NFASC: variants seen among roughly 807,000 people sequenced by gnomAD.
NFASC encodes the protein neurofascin homolog.
A neutral mutation model predicts 147.5 loss-of-function variants in NFASC; 43 were observed. The ratio of observed to expected loss-of-function variants is 0.29; its 90% CI spans 0.23 to 0.38. The LOEUF (loss-of-function observed/expected upper bound fraction) is 0.38. Ranked by LOEUF, NFASC falls within the 10% of genes least tolerant of loss-of-function variation. The pLI, the probability that NFASC is intolerant of heterozygous loss-of-function variation, is 1.00. For missense variants in NFASC, 1,320 were observed against 1,689.0 expected (o/e 0.78, Z 3.83); for synonymous variants, 622 against 665.5 (o/e 0.93, Z 1.01).
intron 23 of NFASC, 43 bp downstream of exon 23, chr1:204,988,849 A>G (rs1481329298): frequency 1.8e-5 from 29 of 1,580,400 alleles, no homozygotes; most frequent in East Asian, 4.5e-5. Context: ...GGTCCCAGCT[A>G]ATTCCGAGGC....
Position 204,987,642 on chromosome 1 carries a change from A to G in NFASC, c.2593+102A>G. Reference sequence around the variant, plus strand: ...CAAGGTAGAAAGCCTGTGGGTGCAGATGGCATTGTGGAGGGATGGAGGGGC... The same window carrying G: ...CAAGGTAGAAAGCCTGTGGGTGCAGGTGGCATTGTGGAGGGATGGAGGGGC... On this transcript the variant is annotated intron_variant, in intron 22 of 29. Coordinates refer to ENST00000339876, the MANE Select transcript of NFASC (RefSeq NM_001005388.3). This position sits in a 1 kb window ranked among gnomAD's most constrained non-coding sequence, Gnocchi z 4.4. 7.1e-7 allele frequency: 1 copy of G among 1,414,780 alleles called. No homozygotes were observed. The highest frequency in any genetic ancestry group is 9.8e-7 in the Non-Finnish European group (1 of 1,017,256). The allele number at this position is 1,414,780 out of a possible 1,614,324, so 87.6% of individuals were successfully genotyped here.
In NFASC at chr1:204,997,295, A is replaced by ACCATCG. The variant is rs1157081447; in HGVS notation, c.2912_2917dup (p.Ile971_Ala972dup). The ACCATCG allele has an allele frequency of 6.2e-7, 1 of 1,604,778 alleles. No individual in the cohort carries two copies. Among genetic ancestry groups the ACCATCG allele is most frequent in the Non-Finnish European group, 8.5e-7 (1 of 1,175,888 alleles). ...CATCATCCCAACTGTCGCACCTACC[A>ACCATCG]CCATCGCCACCACCACCACCGTCGC... On this transcript the variant is annotated inframe_insertion, in exon 25 of 30. Coordinates refer to ENST00000339876, the MANE Select transcript of NFASC (RefSeq NM_001005388.3).
chr1:204,907,018 T>TA (rs1451869058), intron 1 of NFASC, among the ~76,000 whole-genome samples: 1 of 152,222 alleles, frequency 6.6e-6, no homozygotes, highest in African/African-American at 2.4e-5. Context: ...ACTGTATGTG[T>TA]AACTTTTGAA....
At chr1:204,892,174 T>G (rs759150469) in intron 1 of NFASC, among the ~76,000 whole-genome samples, 18 of 152,196 alleles carry the variant, frequency 1.2e-4, no homozygotes, top group Non-Finnish European at 2.6e-4. Flanking sequence ...GACTACACAT[T>G]TGAGGACTGT....
At chr1:204,871,054 G>C in intron 1 of NFASC, 1 of 1,289,850 alleles carries the variant, frequency 7.8e-7, no homozygotes, top group South Asian at 1.2e-5. Context: ...CCAGACCATG[G>C]CTCCTTCAGG....
chr1:204,841,067 C>A (rs750088), intron 1 of NFASC, among the ~76,000 whole-genome samples: 4 of 151,960 alleles, frequency 2.6e-5, no homozygotes, highest in African/African-American at 9.7e-5. Flanking sequence ...GACTCACGTC[C>A]TAACGACCCT....
At chr1:204,893,462 G>A (rs2082780119) in intron 1 of NFASC, among the ~76,000 whole-genome samples, 1 of 152,164 alleles carries the variant, frequency 6.6e-6, no homozygotes, top group Non-Finnish European at 1.5e-5. Context: ...TGGCACCTGG[G>A]AAATGCCCAT....
At position 204,995,335 on chromosome 1, in the gene NFASC, T is replaced by A. The variant is rs2095823821; in HGVS notation, c.2783-1835T>A. Among the ~76,000 whole-genome samples, 3 of 151,164 alleles carry A rather than the reference T, an allele frequency of 2.0e-5. No homozygotes were observed. The South Asian group carries it at 6.3e-4, about 32-fold the overall frequency. On this transcript the variant is annotated intron_variant, in intron 24 of 29. Coordinates refer to ENST00000339876, the MANE Select transcript of NFASC (RefSeq NM_001005388.3). ...TGCACAGTGTGTGTGTGTGTGTGTGTGTGTGTGTGTGTGTGTGTATGTGTG... is the reference window on the plus strand; with the variant it reads ...TGCACAGTGTGTGTGTGTGTGTGTGAGTGTGTGTGTGTGTGTGTATGTGTG...
intron 1 of NFASC, among the ~76,000 whole-genome samples, chr1:204,862,861 G>C (rs573953018): frequency 6.6e-6 from 1 of 152,194 alleles, no homozygotes; most frequent in South Asian, 2.1e-4. Flanking sequence ...CACATCTCTT[G>C]CTATAGCCTA....
At chr1:204,857,761 C>T (rs1469788198) in intron 1 of NFASC, among the ~76,000 whole-genome samples, 1 of 152,080 alleles carries the variant, frequency 6.6e-6, no homozygotes, top group East Asian at 1.9e-4. Flanking sequence ...AACTTCTTTC[C>T]CCACAATTCT....
At chr1:204,935,382 G>GGCAT (rs1190944441) in intron 2 of NFASC, among the ~76,000 whole-genome samples, 4 of 152,228 alleles carry the variant, frequency 2.6e-5, no homozygotes, top group Non-Finnish European at 5.9e-5. Flanking sequence ...GAGGCAGGCA[G>GGCAT]GGGAGTGGGA....
At chr1:204,898,545 AT>A (rs1454988533) in intron 1 of NFASC, among the ~76,000 whole-genome samples, 1 of 152,198 alleles carries the variant, frequency 6.6e-6, no homozygotes, top group East Asian at 1.9e-4. Flanking sequence ...GAAGCAATGG[AT>A]TGTGAGGGCA....
chr1:204,855,367 A>G (rs2076062926), intron 1 of NFASC, among the ~76,000 whole-genome samples: 1 of 152,256 alleles, frequency 6.6e-6, no homozygotes, highest in Admixed American at 6.5e-5. Flanking sequence ...GACTGGAGTC[A>G]TTGGGGAAGG....
chr1:204,865,106 T>A (rs941441019), intron 1 of NFASC, among the ~76,000 whole-genome samples: 7 of 152,306 alleles, frequency 4.6e-5, no homozygotes, highest in Middle Eastern at 6.8e-3. Context: ...GACTCAGTTT[T>A]TATATATATT....
At chr1:204,854,101 CT>C (rs2075942423) in intron 1 of NFASC, among the ~76,000 whole-genome samples, 1 of 152,110 alleles carries the variant, frequency 6.6e-6, no homozygotes, top group Non-Finnish European at 1.5e-5. Context: ...ACCCACCAGC[CT>C]TTTTGCCTGA....
rs529183623 is a variant in NFASC, at chr1:205,019,915, T to C, written c.*3376T>C. On this transcript the variant is annotated 3_prime_UTR_variant, in exon 30 of 30. Transcript: ENST00000339876. ...GAGAGGCACGGGCTCCCCTGAAGGA[T>C]TGTCGAGGCCAGGGTTCGGGAAGTA... is the stretch of plus-strand genomic sequence containing the variant. 4 of 152,212 alleles carry C rather than the reference T, an allele frequency of 2.6e-5. No homozygotes were observed. The highest frequency in any genetic ancestry group is 5.9e-5 in the Non-Finnish European group (4 of 68,048). The allele number at this position is 152,212 out of a possible 1,614,324, so 9.4% of individuals were successfully genotyped here. A position where few individuals can be genotyped will look rare whatever the true frequency, so the allele number is the denominator to read the frequency against.
chr1:204,950,426 T>G (rs1008362701), intron 3 of NFASC, 131 bp from the exon 4 acceptor site: 176 of 811,348 alleles, frequency 2.2e-4, no homozygotes, highest in Middle Eastern at 2.4e-4. Flanking sequence ...GAGAGCCCTG[T>G]GCTCAGCGCC....
chr1:205,000,485 C>G (rs1355760607), intron 25 of NFASC: 1 of 152,684 alleles, frequency 6.5e-6, no homozygotes, highest in Admixed American at 6.5e-5. Context: ...CCTCTCCTTC[C>G]TGCAGCACTT....
chr1:204,981,211 C>G (rs536517396), intron 20 of NFASC, among the ~76,000 whole-genome samples: 32 of 152,386 alleles, frequency 2.1e-4, no homozygotes, highest in African/African-American at 7.7e-4. Flanking sequence ...AGCCCAGATT[C>G]AGGACCCTGG....
Sources: gnomAD v4.1 joint callset for allele counts (sites outside exome capture counted in the v4.1 genomes callset) on GRCh38, gnomAD v4.1.1 for gene constraint, Gnocchi (gnomAD v3.1) non-coding constraint, MANE v1.5 for transcripts, NCBI Gene and HGNC (gene_info 2026-07-23, HGNC 2026-07-21) for gene names.